Variants in XPNPEP1 observed in about 807,000 individuals in gnomAD.
The protein encoded by XPNPEP1 is xaa-Pro aminopeptidase 1.
Under a neutral mutation model 92.4 loss-of-function variants are expected in XPNPEP1, and 39 were observed. That is an observed-to-expected ratio of 0.42 (90% CI 0.33 to 0.55). The LOEUF (loss-of-function observed/expected upper bound fraction) is 0.55. XPNPEP1 is among the 20% of genes least tolerant of loss of function. XPNPEP1 has a pLI of 0.08. For synonymous variants in XPNPEP1, 307 were observed against 299.4 expected (o/e 1.03, Z -0.26); for missense variants, 654 against 856.1 (o/e 0.76, Z 2.95).
At chr10:109,870,060 G>A in intron 18 of XPNPEP1, 31 bp from the exon 19 acceptor site, 4 of 1,611,044 alleles carry the variant, frequency 2.5e-6, no homozygotes, top group Non-Finnish European at 3.4e-6. Flanking sequence ...AAAATGAGAA[G>A]CAGCCCACGA....
intron 5 of XPNPEP1, 133 bp downstream of exon 5, chr10:109,891,589 T>G: frequency 2.9e-6 from 2 of 696,584 alleles, no homozygotes; most frequent in South Asian, 5.3e-5. Flanking sequence ...TTTTTTTTTT[T>G]CTCAGTTTTC....
chr10:109,891,646 C>T (rs2133445972), intron 5 of XPNPEP1, 76 bp downstream of exon 5: 1 of 1,207,602 alleles, frequency 8.3e-7, no homozygotes, highest in East Asian at 2.6e-5. Context: ...GATTAAGATC[C>T]AGGAGTCCTG....
intron 3 of XPNPEP1, among the ~76,000 whole-genome samples, chr10:109,897,897 G>A (rs1003220400): frequency 4.6e-5 from 7 of 151,896 alleles, no homozygotes; most frequent in Non-Finnish European, 8.8e-5. Context: ...CAAGTGATCC[G>A]CCTGCCTCGA....
chr10:109,874,823 C>A (rs549596200), intron 15 of XPNPEP1, among the ~76,000 whole-genome samples: 2 of 152,284 alleles, frequency 1.3e-5, no homozygotes, highest in Admixed American at 1.3e-4. Context: ...GTGGCGGGCA[C>A]CTGTAGTCCC....
chr10:109,910,304 T>C (rs963285230), intron 2 of XPNPEP1, among the ~76,000 whole-genome samples: 1 of 152,126 alleles, frequency 6.6e-6, no homozygotes, highest in African/African-American at 2.4e-5. Flanking sequence ...CAGCACTTCG[T>C]GAGGCCAAGG....
chr10:109,884,530 C>T (rs1319867585), intron 8 of XPNPEP1: 1 of 167,716 alleles, frequency 6.0e-6, no homozygotes, highest in Non-Finnish European at 1.3e-5. Context: ...GAGACGAGCA[C>T]TCTCTCCCTT....
intron 12 of XPNPEP1, among the ~76,000 whole-genome samples, chr10:109,879,617 C>T (rs1847980573): frequency 6.6e-6 from 1 of 151,522 alleles, no homozygotes; most frequent in South Asian, 2.1e-4. Context: ...CATAGATGAA[C>T]AATCACCAGA....
At chr10:109,879,386 A>G (rs1289063422) in intron 12 of XPNPEP1, among the ~76,000 whole-genome samples, 2 of 152,094 alleles carry the variant, frequency 1.3e-5, no homozygotes, top group African/African-American at 4.8e-5. Context: ...CCTGGCCAAG[A>G]TGGTGAAACC....
chr10:109,886,373 C>A, intron 7 of XPNPEP1, 32 bp from the exon 8 acceptor site: 1 of 1,605,640 alleles, frequency 6.2e-7, no homozygotes, highest in Non-Finnish European at 8.5e-7. Context: ...TAACTCCAGC[C>A]CTGGTCCCAG....
At chr10:109,877,437 G>C (rs1847844923) in intron 14 of XPNPEP1, 1 of 225,458 alleles carries the variant, frequency 4.4e-6, no homozygotes. Flanking sequence ...CTGCGCTCCA[G>C]CCTGGGCAGC....
intron 5 of XPNPEP1, 91 bp downstream of exon 5, chr10:109,891,630 TA>T: frequency 9.4e-7 from 1 of 1,069,186 alleles, no homozygotes; most frequent in Non-Finnish European, 1.3e-6. Flanking sequence ...CATGACTGCA[TA>T]AAAGGATTAA....
chr10:109,903,860 T>TTC (rs200183542), intron 3 of XPNPEP1, among the ~76,000 whole-genome samples: 3,680 of 151,312 alleles, frequency 0.024, 147 homozygotes, highest in African/African-American at 0.085. Flanking sequence ...TTTTTTTTTT[T>TTC]TTGAGACAGG....
intron 2 of XPNPEP1, among the ~76,000 whole-genome samples, chr10:109,908,456 G>T (rs1317853469): frequency 1.3e-5 from 2 of 152,098 alleles, no homozygotes; most frequent in Non-Finnish European, 2.9e-5. Flanking sequence ...TAAAAAATCA[G>T]CCAGGTGTGG....
intron 4 of XPNPEP1, chr10:109,892,611 T>G (rs1848761486): frequency 5.7e-6 from 1 of 174,978 alleles, no homozygotes; most frequent in Admixed American, 5.6e-5. Context: ...AGCCAAGCAC[T>G]TGGGAGAATT....
In XPNPEP1 at chr10:109,886,327, C is replaced by T. The variant is rs1848387198; in HGVS notation, c.667G>A (p.Asp223Asn). Residue 223 changes from aspartate (D) to asparagine (N), a missense_variant, in exon 8 of 21, where the codon GAC (aspartate) becomes AAC (asparagine). Physicochemically the swap from Asp to Asn is conservative, Grantham distance 23 (BLOSUM62 1). Coordinates refer to ENST00000502935, the MANE Select transcript of XPNPEP1 (RefSeq NM_020383.4). ...TTCAACCGAAGGTCTGCAACCTTGT[C>T]CTTCCAGGAGATGCCTGCAAGAAAC... ...GLDYTGISWK[D>N]KVADLRLKMA... 1.2e-6 allele frequency: 2 copies of T among 1,614,074 alleles called. No homozygotes were observed. The highest frequency in any genetic ancestry group is 2.2e-5 in the South Asian group (2 of 91,074).
At chr10:109,895,505 A>C (rs1437143177) in intron 3 of XPNPEP1, among the ~76,000 whole-genome samples, 1 of 152,248 alleles carries the variant, frequency 6.6e-6, no homozygotes, top group Non-Finnish European at 1.5e-5. Flanking sequence ...ATGTCCAGAC[A>C]TGACCTAAGT....
At chr10:109,920,369 G>A (rs938627208) in intron 1 of XPNPEP1, among the ~76,000 whole-genome samples, 25 of 152,192 alleles carry the variant, frequency 1.6e-4, no homozygotes, top group African/African-American at 5.8e-4. Context: ...TTGTATATAA[G>A]TGAATTATAT....
At chr10:109,885,495 G>A (rs538771806) in intron 8 of XPNPEP1, among the ~76,000 whole-genome samples, 5 of 152,132 alleles carry the variant, frequency 3.3e-5, no homozygotes, top group Admixed American at 2.0e-4. Flanking sequence ...TTTCTCTGAC[G>A]TTGAGATCAT....
At chr10:109,870,554 C>A (rs550965592) in intron 18 of XPNPEP1, among the ~76,000 whole-genome samples, 177 bp downstream of exon 18, 1 of 152,316 alleles carries the variant, frequency 6.6e-6, no homozygotes, top group Admixed American at 6.5e-5. Flanking sequence ...TCTTTTTACA[C>A]AGTTCCCATC....
Sources: allele counts gnomAD v4.1 joint callset (sites outside exome capture counted in the v4.1 genomes callset), GRCh38; gene constraint gnomAD v4.1.1; transcripts MANE v1.5; gene names NCBI Gene and HGNC (gene_info 2026-07-23, HGNC 2026-07-21).